Variants in TWIST2 observed in about 807,000 individuals in gnomAD.
TWIST2 encodes the protein twist family bHLH transcription factor 2.
TWIST2 carries 1 observed loss-of-function variant against 11.6 expected under a neutral mutation model. The ratio of observed to expected loss-of-function variants is 0.09; its 90% CI spans 0.03 to 0.41. The LOEUF (loss-of-function observed/expected upper bound fraction) is 0.41. Ranked by LOEUF, TWIST2 falls within the 10% of genes least tolerant of loss-of-function variation. The probability of loss-of-function intolerance (pLI) is 0.98; values close to 1 mark genes in which losing one functional copy is unlikely to be tolerated. For missense variants in TWIST2, 168 were observed against 226.4 expected (o/e 0.74, Z 1.66); for synonymous variants, 87 against 96.6 (o/e 0.90, Z 0.58).
chr2:238,848,960 G>A (rs1358925663), intron 1 of TWIST2, among the ~76,000 whole-genome samples: 1 of 152,130 alleles, frequency 6.6e-6, no homozygotes, highest in African/African-American at 2.4e-5. Context: ...GTTGGGAACC[G>A]GCGGACCGGT....
Position 238,889,909 on chromosome 2 carries a change from A to G in TWIST2, c.*36-19933A>G, listed in dbSNP as rs1252740414. On this transcript the variant is annotated intron_variant, in intron 1 of 1. Coordinates refer to ENST00000612363, the MANE Select transcript of TWIST2 (RefSeq NM_001271893.4). Reference sequence around the variant, plus strand: ...ATGATATATAAGTGTAAGAACCCACATGTCGGCGAGGGTGCCCGGCTGGCT... The same window carrying G: ...ATGATATATAAGTGTAAGAACCCACGTGTCGGCGAGGGTGCCCGGCTGGCT... 2.0e-5 allele frequency among the ~76,000 whole-genome samples: 3 copies of G among 152,360 alleles called. No individual in the cohort carries two copies. The East Asian group carries it at 5.8e-4, about 29-fold the overall frequency.
At chr2:238,859,735 T>C (rs1692398067) in intron 1 of TWIST2, among the ~76,000 whole-genome samples, 1 of 152,198 alleles carries the variant, frequency 6.6e-6, no homozygotes, top group Admixed American at 6.5e-5. Flanking sequence ...CCAACTCTTC[T>C]AGTTGTGCCT....
At chr2:238,877,176 G>A (rs1206934197) in intron 1 of TWIST2, among the ~76,000 whole-genome samples, 1 of 152,146 alleles carries the variant, frequency 6.6e-6, no homozygotes, top group Non-Finnish European at 1.5e-5. Context: ...CAGCCTGGGA[G>A]ACAGAGCAAG....
chr2:238,904,700 A>C (rs1693320647), intron 1 of TWIST2, among the ~76,000 whole-genome samples: 1 of 152,088 alleles, frequency 6.6e-6, no homozygotes, highest in Non-Finnish European at 1.5e-5. Flanking sequence ...TCTCTGATCC[A>C]TCTCAGCTTT....
chr2:238,863,455 G>A lies in TWIST2; in HGVS notation c.*35+14722G>A, dbSNP rs572626606. 1.2e-4 allele frequency among the ~76,000 whole-genome samples: 18 copies of A among 152,306 alleles called. No individual in the cohort carries two copies. In the South Asian group the frequency reaches 3.5e-3, roughly 30 times the overall value. ...GCGGCTCCCTGATGGAGCTGGCGAC[G>A]TCCTTTGGCAGTGAGGGCTGTGCGG... On this transcript the variant is annotated intron_variant, in intron 1 of 1. Coordinates refer to ENST00000612363, the MANE Select transcript of TWIST2 (RefSeq NM_001271893.4). The surrounding 1 kb of genome is among the most constrained non-coding windows in gnomAD (Gnocchi z 4.7).
chr2:238,873,865 TCTC>T (rs1559276171), intron 1 of TWIST2, among the ~76,000 whole-genome samples: 1 of 152,188 alleles, frequency 6.6e-6, no homozygotes, highest in Admixed American at 6.5e-5. Flanking sequence ...CTGTGATTCT[TCTC>T]CTTTACCGTC....
intron 1 of TWIST2, among the ~76,000 whole-genome samples, chr2:238,907,869 TAC>T (rs1192570999): frequency 9.2e-6 from 1 of 108,812 alleles, no homozygotes; most frequent in Non-Finnish European, 1.8e-5. Flanking sequence ...ACACACCACA[TAC>T]ACACACACCA....
chr2:238,853,628 C>T (rs1173031725), intron 1 of TWIST2, among the ~76,000 whole-genome samples: 1 of 152,078 alleles, frequency 6.6e-6, no homozygotes, highest in Non-Finnish European at 1.5e-5. Flanking sequence ...GAAATGAGGG[C>T]GGTAGCATTA....
intron 1 of TWIST2, among the ~76,000 whole-genome samples, chr2:238,887,904 G>T (rs1358620696): frequency 6.6e-6 from 1 of 152,196 alleles, no homozygotes; most frequent in Non-Finnish European, 1.5e-5. Flanking sequence ...AGCCTAACTT[G>T]TTCTGCCTGA....
chr2:238,852,193 A>G (rs1692254167), intron 1 of TWIST2, among the ~76,000 whole-genome samples: 1 of 152,238 alleles, frequency 6.6e-6, no homozygotes, highest in Non-Finnish European at 1.5e-5. Context: ...GCAGAGCACT[A>G]TAACTCATAA....
At position 238,894,398 on chromosome 2, in the gene TWIST2, C is replaced by T. The variant is rs892196591; in HGVS notation, c.*36-15444C>T. Among the ~76,000 whole-genome samples the T allele has an allele frequency of 2.3e-3, 351 of 152,304 alleles. 3 individuals carry two copies. Among genetic ancestry groups the T allele is most frequent in the African/African-American group, 7.8e-3 (323 of 41,566 alleles). ...GCTGGGCCCCTGAGCGGCCCCTTGC[C>T]ACCCCCACACTCAGCGGGTCACTGT... On this transcript the variant is annotated intron_variant, in intron 1 of 1. Coordinates refer to ENST00000612363, the MANE Select transcript of TWIST2 (RefSeq NM_001271893.4).
In TWIST2 at chr2:238,848,225, G is replaced by T; in HGVS notation, c.10G>T (p.Gly4Cys). 1 of 1,407,606 alleles carries T rather than the reference G, an allele frequency of 7.1e-7. No homozygotes were observed. Among genetic ancestry groups the T allele is most frequent in the South Asian group, 1.5e-5 (1 of 66,080 alleles). 87.2% of individuals were successfully genotyped at this position (1,407,606 alleles called of 1,614,324 possible). Residue 4 changes from glycine to cysteine, a missense_variant, in exon 1 of 2, where the codon GGC becomes TGC. Physicochemically the swap from Gly to Cys is radical, Grantham distance 159. Around this residue, in one of 3 missense-constraint regions of TWIST2, gnomAD observed 83 missense variants for 92.7 expected, o/e 0.90. Coordinates refer to ENST00000612363, the MANE Select transcript of TWIST2 (RefSeq NM_001271893.4). ...GCGCCGGGCGGGCGCCATGGAGGAG[G>T]GCTCCAGCTCGCCCGTGTCCCCCGT... MEE[G>C]SSSPVSPVDS...
chr2:238,898,203 G>A lies in TWIST2; in HGVS notation c.*36-11639G>A, dbSNP rs1693227647. Among the ~76,000 whole-genome samples, 3 of 152,368 alleles carry A rather than the reference G, an allele frequency of 2.0e-5. No individual in the cohort carries two copies. The South Asian group carries it at 6.2e-4, about 32-fold the overall frequency. On this transcript the variant is annotated intron_variant, in intron 1 of 1. Coordinates refer to ENST00000612363, the MANE Select transcript of TWIST2 (RefSeq NM_001271893.4). ...GCCTGTAACCAGCTGCCCCTAGCAG[G>A]GAGCATGTTGCCTCTAACCAGCTGT...
intron 1 of TWIST2, among the ~76,000 whole-genome samples, chr2:238,886,028 G>A (rs1044284601): frequency 1.3e-5 from 2 of 151,528 alleles, no homozygotes; most frequent in African/African-American, 2.4e-5. Flanking sequence ...CCTGGGAGGC[G>A]GAGGTTGCAG....
intron 1 of TWIST2, among the ~76,000 whole-genome samples, chr2:238,884,138 C>T: frequency 6.6e-6 from 1 of 152,226 alleles, no homozygotes; most frequent in East Asian, 1.9e-4. Flanking sequence ...TGAACATCTT[C>T]TGGGAAACAA....
rs1485177694 is a variant in TWIST2, at chr2:238,863,727, G to T, written c.*35+14994G>T. Among the ~76,000 whole-genome samples, 1 of 152,202 alleles carries T rather than the reference G, an allele frequency of 6.6e-6. No individual in the cohort carries two copies. Among genetic ancestry groups the T allele is most frequent in the East Asian group, 1.9e-4 (1 of 5,208 alleles). ...CCCCGAACCCAAATTGAGAAGAGGTGCTTTGACCCCGACTCACTCAGTGGA... is the reference window on the plus strand; with the variant it reads ...CCCCGAACCCAAATTGAGAAGAGGTTCTTTGACCCCGACTCACTCAGTGGA... On this transcript the variant is annotated intron_variant, in intron 1 of 1. Coordinates refer to ENST00000612363, the MANE Select transcript of TWIST2 (RefSeq NM_001271893.4). This position sits in a 1 kb window ranked among gnomAD's most constrained non-coding sequence, Gnocchi z 4.7.
chr2:238,902,222 GTA>G (rs1693275927), intron 1 of TWIST2, among the ~76,000 whole-genome samples: 3 of 149,566 alleles, frequency 2.0e-5, no homozygotes, highest in South Asian at 2.2e-4. Context: ...GTGATGTGGA[GTA>G]TGTGTGTGTG....
At chr2:238,893,847 C>T (rs1216405774) in intron 1 of TWIST2, among the ~76,000 whole-genome samples, 1 of 152,198 alleles carries the variant, frequency 6.6e-6, no homozygotes, top group South Asian at 2.1e-4. Flanking sequence ...TGAGCCTGCT[C>T]TTCTGAAGTC....
At chr2:238,855,126 C>T (rs951853238) in intron 1 of TWIST2, among the ~76,000 whole-genome samples, 2 of 152,202 alleles carry the variant, frequency 1.3e-5, no homozygotes, top group African/African-American at 2.4e-5. Flanking sequence ...GCAGGGTTGG[C>T]AAAACCTATA....
Sources: allele counts gnomAD v4.1 joint callset (sites outside exome capture counted in the v4.1 genomes callset), GRCh38; gene constraint gnomAD v4.1.1; regional missense constraint gnomAD v4.1.1; non-coding constraint Gnocchi (gnomAD v3.1); transcripts MANE v1.5; gene names NCBI Gene and HGNC (gene_info 2026-07-23, HGNC 2026-07-21).